Variants in CFAP73 observed in about 807,000 individuals in gnomAD.
The protein encoded by CFAP73 is cilia and flagella associated protein 73.
A neutral mutation model predicts 42.9 loss-of-function variants in CFAP73; 33 were observed. That is an observed-to-expected ratio of 0.77 (90% confidence interval 0.58 to 1.03). The LOEUF (loss-of-function observed/expected upper bound fraction) is 1.03, where lower values mean the gene tolerates loss of function less well. CFAP73 is among the 50% of genes least tolerant of loss of function. CFAP73 has a pLI of 0.00. For synonymous variants in CFAP73, 162 were observed against 186.8 expected, an observed-to-expected ratio of 0.87 and a Z score of 1.08; for missense variants, 392 against 411.9, an observed-to-expected ratio of 0.95 and a Z score of 0.42.
chr12:113,154,439 C>T lies in CFAP73; in HGVS notation c.494C>T (p.Ala165Val), dbSNP rs1203945382. The change falls in exon 5 of 8, where the codon GCG becomes GTG. Residue 165 changes from alanine to valine, a missense_variant. Ala to Val is a moderately conservative substitution (Grantham distance 64, BLOSUM62 0). Transcript: ENST00000335621. The surrounding 1 kb of genome is among the most constrained non-coding windows in gnomAD (Gnocchi z 4.7). ...TTCCAAGAGGTTCCGGAGCTGGTGG[C>T]GCGCTTCGACGGCCTGGCCGAGACG... ...PGFQEVPELV[A>V]RFDGLAETQA... The T allele has an allele frequency of 1.3e-6, 2 of 1,547,236 alleles. No homozygotes were observed. Among genetic ancestry groups the T allele is most frequent in the Non-Finnish European group, 1.7e-6 (2 of 1,145,712 alleles).
At chr12:113,150,312 G>T (rs1001981048) in intron 1 of CFAP73, among the ~76,000 whole-genome samples, 1 of 152,136 alleles carries the variant, frequency 6.6e-6, no homozygotes, top group Admixed American at 6.5e-5. Context: ...GTAAAATGGG[G>T]AGGGGGGTTT....
At chr12:113,152,681 A>G in intron 2 of CFAP73, 102 bp from the exon 3 acceptor site, 1 of 807,148 alleles carries the variant, frequency 1.2e-6, no homozygotes, top group Non-Finnish European at 2.0e-6. Context: ...GGGAGCAGCC[A>G]CAGATCAGGG....
Position 113,153,203 on chromosome 12 carries a change from C to G in CFAP73, c.268-5C>G. 6.6e-7 allele frequency: 1 copy of G among 1,516,572 alleles called. No individual in the cohort carries two copies. The highest frequency in any genetic ancestry group is 8.8e-7 in the Non-Finnish European group (1 of 1,139,006). The allele number at this position is 1,516,572 out of a possible 1,614,324, so 93.9% of individuals were successfully genotyped here. On this transcript the variant is annotated splice_polypyrimidine_tract_variant and splice_region_variant and intron_variant, in intron 3 of 7. Transcript: ENST00000335621. Reference sequence around the variant, plus strand: ...AGGTCGTCTTCTCCCCACCGTACTCCCCAGGACTCCGAGGCCCGGCGCAAT... The same window carrying G: ...AGGTCGTCTTCTCCCCACCGTACTCGCCAGGACTCCGAGGCCCGGCGCAAT...
intron 6 of CFAP73, chr12:113,157,265 T>A: frequency 6.8e-6 from 2 of 294,858 alleles, no homozygotes; most frequent in Admixed American, 4.7e-5. Context: ...GAGATAAGAG[T>A]AGGTCACAAA....
chr12:113,158,727 G>T lies in CFAP73; in HGVS notation c.*38G>T. 1.2e-6 allele frequency: 1 copy of T among 832,152 alleles called. No individual in the cohort carries two copies. The highest frequency in any genetic ancestry group is 1.8e-6 in the Non-Finnish European group (1 of 548,488). The allele number at this position is 832,152 out of a possible 1,614,324, so 51.5% of individuals were successfully genotyped here. A position where few individuals can be genotyped will look rare whatever the true frequency, so the allele number is the denominator to read the frequency against. On this transcript the variant is annotated 3_prime_UTR_variant, in exon 8 of 8. Transcript: ENST00000335621. This position sits in a 1 kb window ranked among gnomAD's most constrained non-coding sequence, Gnocchi z 4.9. The stretch of plus-strand genomic sequence containing the variant: ...CTGACGCAGCTGCTGCCCTTCTGTG[G>T]CCATACAGTGCTCCTTTTCACAGAT...
In CFAP73 at chr12:113,154,855, G is replaced by A. The variant is rs1952102868; in HGVS notation, c.690+220G>A. ...CTGCACCCCACTCCCGAGAGCACCTGACTGCCTGACTGGCAGAGGTGGATG... is the reference window on the plus strand; with the variant it reads ...CTGCACCCCACTCCCGAGAGCACCTAACTGCCTGACTGGCAGAGGTGGATG... On this transcript the variant is annotated intron_variant, in intron 5 of 7. Coordinates refer to ENST00000335621, the MANE Select transcript of CFAP73 (RefSeq NM_001144872.3). This position sits in a 1 kb window ranked among gnomAD's most constrained non-coding sequence, Gnocchi z 4.7. Among the ~76,000 whole-genome samples, 1 of 152,180 alleles carries A rather than the reference G, an allele frequency of 6.6e-6. No individual in the cohort carries two copies. Among genetic ancestry groups the A allele is most frequent in the South Asian group, 2.1e-4 (1 of 4,832 alleles).
rs1231538651 is a variant in CFAP73, at chr12:113,154,234, C to T, written c.469-180C>T. 1.3e-5 allele frequency among the ~76,000 whole-genome samples: 2 copies of T among 152,154 alleles called. No homozygotes were observed. Among genetic ancestry groups the T allele is most frequent in the African/African-American group, 2.4e-5 (1 of 41,434 alleles). On this transcript the variant is annotated intron_variant, in intron 4 of 7. Coordinates refer to ENST00000335621, the MANE Select transcript of CFAP73 (RefSeq NM_001144872.3). The surrounding 1 kb of genome is among the most constrained non-coding windows in gnomAD (Gnocchi z 4.7). ...TCAAGATGACAGTGAGCTATGATCGCGCCACTGCACTCCAGCCCAGGTGAC... is the reference window on the plus strand; with the variant it reads ...TCAAGATGACAGTGAGCTATGATCGTGCCACTGCACTCCAGCCCAGGTGAC...
chr12:113,155,310 C>T lies in CFAP73; in HGVS notation c.741C>T (p.Leu247=), dbSNP rs1952109612. ...ACACAGCAGCGGAGAAGACTCTGCT[C>T]CTGGGACGCAGCAGGATGGCTGTGC... ...IQNTAAEKTL[L]LGRSRMAVLN... Residue 247 remains leucine, a synonymous_variant, in exon 6 of 8, where the codon CTC becomes CTT. Coordinates refer to ENST00000335621, the MANE Select transcript of CFAP73 (RefSeq NM_001144872.3). 1 of 1,550,708 alleles carries T rather than the reference C, an allele frequency of 6.4e-7. No homozygotes were observed. The highest frequency in any genetic ancestry group is 1.7e-4 in the Middle Eastern group (1 of 5,984).
chr12:113,153,557 C>T (rs1952086441), intron 4 of CFAP73, 149 bp downstream of exon 4: 2 of 655,528 alleles, frequency 3.1e-6, no homozygotes, highest in African/African-American at 3.9e-5. Flanking sequence ...GGAGCGCTCA[C>T]TGTAAGCAAG....
In CFAP73 at chr12:113,149,796, GTC is replaced by G. The variant is rs1049786913; in HGVS notation, c.-59_-58del. 2.0e-6 allele frequency: 3 copies of G among 1,511,398 alleles called. No homozygotes were observed. The African/African-American group carries it at 4.1e-5, about 21-fold the overall frequency. 93.6% of individuals were successfully genotyped at this position (1,511,398 alleles called of 1,614,324 possible). ...CACCACGCTCCACAGAACCCCCAGGGTCTCCTAAGCTTGTGCAAAACTCCAGC... is the reference window on the plus strand; with the variant it reads ...CACCACGCTCCACAGAACCCCCAGGGTCCTAAGCTTGTGCAAAACTCCAGC... On this transcript the variant is annotated 5_prime_UTR_variant, in exon 1 of 8. Transcript: ENST00000335621.
chr12:113,152,751 A>G, intron 2 of CFAP73, 32 bp from the exon 3 acceptor site: 1 of 1,493,018 alleles, frequency 6.7e-7, no homozygotes, highest in Admixed American at 2.0e-5. Flanking sequence ...GGACCCCCGA[A>G]CCCACACAGA....
rs929062327 is a variant in CFAP73 at position 113,149,728 on chromosome 12, C to T, written c.-130C>T. On this transcript the variant is annotated 5_prime_UTR_variant, in exon 1 of 8. Coordinates refer to ENST00000335621, the MANE Select transcript of CFAP73 (RefSeq NM_001144872.3). ...GTGGTCGGTTGCCAGGCAACCAGAG[C>T]CTGCTGGTGGCTGCCTTCTGGGCCG... is the stretch of plus-strand genomic sequence containing the variant. The T allele has an allele frequency of 1.1e-5, 9 of 838,090 alleles. No individual in the cohort carries two copies. The East Asian group carries it at 2.2e-4, about 20-fold the overall frequency. The allele number at this position is 838,090 out of a possible 1,614,324, so 51.9% of individuals were successfully genotyped here.
In CFAP73 at chr12:113,154,600, C is replaced by G; in HGVS notation, c.655C>G (p.Arg219Gly). ...CCAGCGGCGGGCACAGCTGCAGGAG[C>G]GCCTGGAGGCTGCCAGGGAGCGTAC... is the stretch of plus-strand genomic sequence containing the variant. ...QGQRRAQLQE[R>G]LEAARERTLQ... Residue 219 changes from arginine to glycine, a missense_variant, in exon 5 of 8, where the codon CGC (arginine) becomes GGC (glycine). Coordinates refer to ENST00000335621, the MANE Select transcript of CFAP73 (RefSeq NM_001144872.3). This position sits in a 1 kb window ranked among gnomAD's most constrained non-coding sequence, Gnocchi z 4.7. The G allele has an allele frequency of 2.1e-6, 3 of 1,415,770 alleles. No individual in the cohort carries two copies. The highest frequency in any genetic ancestry group is 2.7e-6 in the Non-Finnish European group (3 of 1,096,338). The allele number at this position is 1,415,770 out of a possible 1,614,324, so 87.7% of individuals were successfully genotyped here. A position where few individuals can be genotyped will look rare whatever the true frequency, so the allele number is the denominator to read the frequency against.
Position 113,152,021 on chromosome 12 carries a change from G to A in CFAP73, c.160G>A (p.Glu54Lys). 6.5e-7 allele frequency: 1 copy of A among 1,550,322 alleles called. No homozygotes were observed. The highest frequency in any genetic ancestry group is 8.7e-7 in the Non-Finnish European group (1 of 1,145,984). Residue 54 changes from glutamate to lysine, a missense_variant and splice_region_variant, in exon 2 of 8, where the codon GAG (glutamate) becomes AAG (lysine). Coordinates refer to ENST00000335621, the MANE Select transcript of CFAP73 (RefSeq NM_001144872.3). ...DADQALQAQK[E>K]VFRTKTAALK... Reference sequence around the variant, plus strand: ...AGACCAGGCCCTGCAGGCCCAGAAGGAGGTGAGCCCCCACTACTGTAACGA... The same window carrying A: ...AGACCAGGCCCTGCAGGCCCAGAAGAAGGTGAGCCCCCACTACTGTAACGA...
At chr12:113,151,617 A>G (rs1952061461) in intron 1 of CFAP73, among the ~76,000 whole-genome samples, 1 of 152,034 alleles carries the variant, frequency 6.6e-6, no homozygotes, top group Admixed American at 6.6e-5. Flanking sequence ...ATAAAACAAG[A>G]CCTCATCTTT....
chr12:113,158,813 C>G lies in CFAP73; in HGVS notation c.*124C>G. The G allele has an allele frequency of 6.7e-7, 1 of 1,499,674 alleles. No homozygotes were observed. The allele number at this position is 1,499,674 out of a possible 1,614,324, so 92.9% of individuals were successfully genotyped here. On this transcript the variant is annotated 3_prime_UTR_variant, in exon 8 of 8. Coordinates refer to ENST00000335621, the MANE Select transcript of CFAP73 (RefSeq NM_001144872.3). This position sits in a 1 kb window ranked among gnomAD's most constrained non-coding sequence, Gnocchi z 4.9. ...ACAGGGCCAGGCACACAGTGGTGCA[C>G]GGGAACGTCTGCTGATGCCCACCCT...
At chr12:113,152,747 C>T in intron 2 of CFAP73, 36 bp from the exon 3 acceptor site, 1 of 1,482,646 alleles carries the variant, frequency 6.7e-7, no homozygotes, top group Non-Finnish European at 9.2e-7. Context: ...ACCCGGACCC[C>T]CGAACCCACA....
At chr12:113,150,535 G>T (rs561646812) in intron 1 of CFAP73, among the ~76,000 whole-genome samples, 1 of 147,910 alleles carries the variant, frequency 6.8e-6, no homozygotes, top group Non-Finnish European at 1.5e-5. Context: ...GGCTCCTGGG[G>T]TCACCTCTGA....
chr12:113,154,934 C>T lies in CFAP73; in HGVS notation c.690+299C>T, dbSNP rs1031098978. Among the ~76,000 whole-genome samples the T allele has an allele frequency of 6.6e-6, 1 of 152,182 alleles. No homozygotes were observed. Among genetic ancestry groups the T allele is most frequent in the African/African-American group, 2.4e-5 (1 of 41,450 alleles). On this transcript the variant is annotated intron_variant, in intron 5 of 7. Transcript: ENST00000335621. This position sits in a 1 kb window ranked among gnomAD's most constrained non-coding sequence, Gnocchi z 4.7. Reference sequence around the variant, plus strand: ...CCTGTAATCCCAACACTTTGGGAGGCCGAAAGGGGCGGATCACCTCAGGTC... The same window carrying T: ...CCTGTAATCCCAACACTTTGGGAGGTCGAAAGGGGCGGATCACCTCAGGTC...
Sources: allele counts gnomAD v4.1 joint callset (sites outside exome capture counted in the v4.1 genomes callset), GRCh38; gene constraint gnomAD v4.1.1; non-coding constraint Gnocchi (gnomAD v3.1); transcripts MANE v1.5; gene names NCBI Gene and HGNC (gene_info 2026-07-23, HGNC 2026-07-21).